CRYBG1: variants seen among roughly 807,000 people sequenced by gnomAD.
The protein encoded by CRYBG1 is beta/gamma crystallin domain-containing protein 1.
A neutral mutation model predicts 189.2 loss-of-function variants in CRYBG1; 139 were observed. The observed-to-expected ratio is 0.73, with a 90% CI of 0.64 to 0.85. The LOEUF is 0.85. Ranked by LOEUF, CRYBG1 falls within the 40% of genes least tolerant of loss-of-function variation. The pLI is 0.00. For missense variants in CRYBG1, 2,611 were observed against 2,675.8 expected, an observed-to-expected ratio of 0.98 and a Z score of 0.53; for synonymous variants, 1,023 against 1,017.1, an observed-to-expected ratio of 1.01 and a Z score of -0.11.
intron 1 of CRYBG1, among the ~76,000 whole-genome samples, chr6:106,382,544 A>G (rs931925810): frequency 6.6e-6 from 1 of 152,134 alleles, no homozygotes; most frequent in Admixed American, 6.5e-5. Flanking sequence ...CTAAAAATGA[A>G]TTTTTTGGCC....
chr6:106,517,389 CAT>C (rs67231488), intron 3 of CRYBG1, among the ~76,000 whole-genome samples: 87,372 of 132,498 alleles, frequency 0.66, 27,654 homozygotes, highest in South Asian at 0.75. Context: ...CATATACACA[CAT>C]ATATATATAT....
In CRYBG1 at chr6:106,530,186, T is replaced by G; in HGVS notation, c.4589T>G (p.Val1530Gly). Reference sequence around the variant, plus strand: ...TCTATATTTTTTCAGGATTACAGAGTTAGTCACATTGACTTATTTACTGAA... The same window carrying G: ...TCTATATTTTTTCAGGATTACAGAGGTAGTCACATTGACTTATTTACTGAA... ...SIRHVVQDYRVSHIDLFTEPE... is the reference protein window; with the variant it reads ...SIRHVVQDYRGSHIDLFTEPE... The change falls in exon 8 of 22, where the codon GTT becomes GGT. Residue 1530 changes from valine (V) to glycine (G), a missense_variant. Coordinates refer to ENST00000633556, the MANE Select transcript of CRYBG1 (RefSeq NM_001371242.2). 1 of 1,611,308 alleles carries G rather than the reference T, an allele frequency of 6.2e-7. No individual in the cohort carries two copies. The highest frequency in any genetic ancestry group is 1.3e-5 in the African/African-American group (1 of 74,888).
chr6:106,464,522 A>G (rs1772074630), intron 2 of CRYBG1, among the ~76,000 whole-genome samples: 1 of 151,868 alleles, frequency 6.6e-6, no homozygotes, highest in Admixed American at 6.6e-5. Context: ...GAAAGTCAAC[A>G]TGCTATTCAT....
intron 9 of CRYBG1, among the ~76,000 whole-genome samples, chr6:106,540,926 G>GA (rs1554190617): frequency 2.0e-5 from 3 of 151,952 alleles, no homozygotes; most frequent in Non-Finnish European, 4.4e-5. Flanking sequence ...ATTTTAGTGA[G>GA]TTTTTTTGTT....
chr6:106,563,693 C>A, intron 20 of CRYBG1, 71 bp from the exon 21 acceptor site: 1 of 1,486,490 alleles, frequency 6.7e-7, no homozygotes, highest in Non-Finnish European at 9.2e-7. Flanking sequence ...CCAATGTAAC[C>A]AGAGAAATAA....
chr6:106,483,378 G>GTGTGTGTATATATATATA (rs1347885031), intron 2 of CRYBG1, among the ~76,000 whole-genome samples: 4 of 113,810 alleles, frequency 3.5e-5, no homozygotes, highest in African/African-American at 1.1e-4. Flanking sequence ...GTGTGTGTGT[G>GTGTGTGTATATATATATA]TATATATATA....
intron 1 of CRYBG1, chr6:106,449,618 A>G (rs535097328): frequency 6.6e-6 from 1 of 152,344 alleles, no homozygotes; most frequent in South Asian, 2.1e-4. Flanking sequence ...GTCTTGATGT[A>G]AGACACATTC....
At chr6:106,437,797 T>C (rs1472225995) in intron 1 of CRYBG1, among the ~76,000 whole-genome samples, 5 of 152,246 alleles carry the variant, frequency 3.3e-5, no homozygotes, top group African/African-American at 1.2e-4. Flanking sequence ...TCCCTTCTAA[T>C]ATGCCATAAT....
chr6:106,560,960 C>G, intron 19 of CRYBG1, 34 bp downstream of exon 19: 2 of 1,526,350 alleles, frequency 1.3e-6, no homozygotes, highest in Non-Finnish European at 1.8e-6. Context: ...TGCATAGACT[C>G]TTCTCTGAAA....
chr6:106,375,883 A>C (rs1420935737), intron 1 of CRYBG1, among the ~76,000 whole-genome samples: 1 of 152,198 alleles, frequency 6.6e-6, no homozygotes, highest in Non-Finnish European at 1.5e-5. Flanking sequence ...TCCTATATAC[A>C]TGTACCTATG....
chr6:106,570,679 G>A lies in CRYBG1; in HGVS notation c.*2113G>A, dbSNP rs1775033018. ...AGTATTTTACTCCCACTACCACCTG[G>A]GAGCCCTCCAGGAAAAGAGCTGAGG... On this transcript the variant is annotated 3_prime_UTR_variant, in exon 22 of 22. Coordinates refer to ENST00000633556, the MANE Select transcript of CRYBG1 (RefSeq NM_001371242.2). 6.6e-6 allele frequency: 1 copy of A among 152,184 alleles called. No individual in the cohort carries two copies. The highest frequency in any genetic ancestry group is 1.5e-5 in the Non-Finnish European group (1 of 68,028). The allele number at this position is 152,184 out of a possible 1,614,324, so 9.4% of individuals were successfully genotyped here.
intron 1 of CRYBG1, among the ~76,000 whole-genome samples, chr6:106,361,985 T>TTTC (rs1771882586): frequency 3.5e-4 from 10 of 28,748 alleles, no homozygotes; most frequent in African/African-American, 8.4e-4. Flanking sequence ...TTTTTTTTTT[T>TTTC]TCTGAGACGG....
Position 106,520,912 on chromosome 6 carries a change from C to T in CRYBG1, c.3704C>T (p.Ser1235Leu), listed in dbSNP as rs1226140016. Residue 1235 changes from serine to leucine, a missense_variant, in exon 4 of 22, where the codon TCG becomes TTG. Ser to Leu is a moderately radical substitution (Grantham distance 145, BLOSUM62 -2). Transcript: ENST00000633556. Reference protein sequence around the residue: ...RDVTNGGIKRSRLEKSALFSS... With the variant: ...RDVTNGGIKRLRLEKSALFSS... ...GTCACAAATGGTGGCATTAAGAGAT[C>T]GAGACTAGAAAAAAGTGCACTTTTC... The T allele has an allele frequency of 6.8e-6, 11 of 1,613,976 alleles. No homozygotes were observed. Among genetic ancestry groups the T allele is most frequent in the Non-Finnish European group, 8.5e-6 (10 of 1,180,030 alleles).
At chr6:106,376,822 G>A (rs1562290185) in intron 1 of CRYBG1, among the ~76,000 whole-genome samples, 1 of 152,114 alleles carries the variant, frequency 6.6e-6, no homozygotes, top group South Asian at 2.1e-4. Flanking sequence ...CAAGTGGTAC[G>A]CTCTTTATAT....
At chr6:106,363,166 C>A (rs1432504241) in intron 1 of CRYBG1, among the ~76,000 whole-genome samples, 6 of 148,264 alleles carry the variant, frequency 4.0e-5, no homozygotes, top group Non-Finnish European at 7.4e-5. Flanking sequence ...ATGGCGTGAA[C>A]CCGGGAGGCG....
chr6:106,502,956 CA>C (rs1197242045), intron 2 of CRYBG1, among the ~76,000 whole-genome samples: 18 of 152,342 alleles, frequency 1.2e-4, no homozygotes, highest in African/African-American at 4.1e-4. Flanking sequence ...TCATGCCCCA[CA>C]AAACTTCATT....
At chr6:106,405,928 T>C (rs6928674) in intron 1 of CRYBG1, among the ~76,000 whole-genome samples, 7,807 of 152,206 alleles carry the variant, frequency 0.051, 624 homozygotes, top group African/African-American at 0.17. Flanking sequence ...GAAAAATCAG[T>C]GCAAAAAGGC....
intron 20 of CRYBG1, among the ~76,000 whole-genome samples, chr6:106,562,229 A>T (rs1774741058): frequency 6.6e-6 from 1 of 152,202 alleles, no homozygotes. Context: ...GTTGTGCTGG[A>T]GGGGGAATTC....
chr6:106,383,364 C>T (rs1770323593), intron 1 of CRYBG1, among the ~76,000 whole-genome samples: 1 of 152,138 alleles, frequency 6.6e-6, no homozygotes, highest in African/African-American at 2.4e-5. Context: ...AGGGACTTGC[C>T]AAGGGCACCA....
Sources: allele counts gnomAD v4.1 joint callset (sites outside exome capture counted in the v4.1 genomes callset), GRCh38; gene constraint gnomAD v4.1.1; transcripts MANE v1.5; gene names NCBI Gene and HGNC (gene_info 2026-07-23, HGNC 2026-07-21).